The following CTNNA2 variants were observed in gnomAD, a reference collection of about 807,000 sequenced individuals.
The protein encoded by CTNNA2 is catenin alpha 2.
Under a neutral mutation model 101.0 loss-of-function variants are expected in CTNNA2, and 42 were observed. The ratio of observed to expected loss-of-function variants is 0.42; its 90% CI spans 0.32 to 0.54. CTNNA2 has a LOEUF of 0.54. Ranked by LOEUF, CTNNA2 falls within the 20% of genes least tolerant of loss-of-function variation. The pLI, the probability that CTNNA2 is intolerant of heterozygous loss-of-function variation, is 0.14. For synonymous variants in CTNNA2, 450 were observed against 456.4 expected (o/e 0.99, Z 0.18); for missense variants, 871 against 1,223.1 (o/e 0.71, Z 4.29).
chr2:79,344,059 T>A (rs1286915569), intron 3 of CTNNA2, among the ~76,000 whole-genome samples: 7 of 152,160 alleles, frequency 4.6e-5, no homozygotes, highest in Admixed American at 4.6e-4. Flanking sequence ...TGCTCTCTTG[T>A]AGGTTGCCAG....
chr2:79,241,666 TA>T (rs1482767227), intron 2 of CTNNA2, among the ~76,000 whole-genome samples: 2 of 152,218 alleles, frequency 1.3e-5, no homozygotes, highest in Non-Finnish European at 2.9e-5. Flanking sequence ...ATCAAATATT[TA>T]AAAAGTTTCT....
At chr2:80,572,620 A>G (rs963456601) in intron 12 of CTNNA2, 6 of 152,244 alleles carry the variant, frequency 3.9e-5, no homozygotes, top group Non-Finnish European at 8.8e-5. Context: ...CATGCTCACT[A>G]TTGAGTCATT....
chr2:79,451,175 A>G (rs929949403), intron 4 of CTNNA2, among the ~76,000 whole-genome samples: 17 of 152,072 alleles, frequency 1.1e-4, no homozygotes, highest in Admixed American at 1.0e-3. Flanking sequence ...ACAAAACACT[A>G]CTCAAGGACT....
At chr2:80,230,946 T>G (rs141507422) in intron 7 of CTNNA2, among the ~76,000 whole-genome samples, 2 of 148,686 alleles carry the variant, frequency 1.3e-5, no homozygotes, top group African/African-American at 5.2e-5. Context: ...GTAGAATGAT[T>G]GTGTTCCTGG....
intron 4 of CTNNA2, among the ~76,000 whole-genome samples, chr2:79,483,782 A>G (rs1195151199): frequency 1.3e-5 from 2 of 152,300 alleles, no homozygotes; most frequent in African/African-American, 2.4e-5. Context: ...GTGTATACGT[A>G]TGCCACATTT....
At chr2:80,246,418 C>A (rs1573501512) in intron 7 of CTNNA2, among the ~76,000 whole-genome samples, 1 of 152,140 alleles carries the variant, frequency 6.6e-6, no homozygotes, top group East Asian at 1.9e-4. Context: ...ATTAAATTGA[C>A]CTTTTGCTGG....
intron 7 of CTNNA2, among the ~76,000 whole-genome samples, chr2:80,373,820 CTGAT>C (rs1464387011): frequency 6.6e-6 from 1 of 152,128 alleles, no homozygotes; most frequent in Non-Finnish European, 1.5e-5. Flanking sequence ...TTCAGACAAA[CTGAT>C]TGACGTGAGT....
chr2:79,917,049 C>A (rs577956597), intron 7 of CTNNA2, among the ~76,000 whole-genome samples: 1 of 151,418 alleles, frequency 6.6e-6, no homozygotes, highest in South Asian at 2.1e-4. Flanking sequence ...CAGGTTCAAG[C>A]AATTCTCAGC....
At chr2:79,202,822 T>C (rs970540275) in intron 2 of CTNNA2, among the ~76,000 whole-genome samples, 3 of 152,164 alleles carry the variant, frequency 2.0e-5, no homozygotes, top group African/African-American at 7.2e-5. Context: ...GCTCTAGCCA[T>C]GAAAGATAGC....
intron 4 of CTNNA2, among the ~76,000 whole-genome samples, chr2:79,436,217 C>G (rs1265112184): frequency 6.6e-6 from 1 of 152,146 alleles, no homozygotes; most frequent in African/African-American, 2.4e-5. Context: ...TTGGAGATGT[C>G]ATCAGGAAGC....
chr2:79,914,059 C>T lies in CTNNA2; in HGVS notation c.1056+4262C>T, dbSNP rs10189052. 9.0e-3 allele frequency among the ~76,000 whole-genome samples: 1,294 copies of T among 144,494 alleles called. 23 individuals carry two copies. Among genetic ancestry groups the T allele is most frequent in the African/African-American group, 0.028 (1,117 of 39,984 alleles). The allele number at this position is 144,494 out of a possible 152,430, so 94.8% of individuals were successfully genotyped here. The stretch of plus-strand genomic sequence containing the variant: ...GCGGGCGCCTGTGGTCCCAGCTACT[C>T]GGGAGGCTGAGGCAGGAGAATGGCG... On this transcript the variant is annotated intron_variant, in intron 7 of 18. Coordinates refer to ENST00000402739, the MANE Select transcript of CTNNA2 (RefSeq NM_001282597.3).
At chr2:79,668,735 C>T (rs552302294) in intron 2 of CTNNA2, among the ~76,000 whole-genome samples, 1 of 152,264 alleles carries the variant, frequency 6.6e-6, no homozygotes, top group Admixed American at 6.5e-5. Context: ...GCAAAAAATA[C>T]CTGCTGTTTC....
chr2:79,207,300 A>G (rs1674111710), intron 2 of CTNNA2, among the ~76,000 whole-genome samples: 1 of 152,152 alleles, frequency 6.6e-6, no homozygotes, highest in Non-Finnish European at 1.5e-5. Context: ...AGAATATGCA[A>G]TTCAAAGCCC....
At chr2:79,848,168 G>T (rs1490481087) in intron 3 of CTNNA2, among the ~76,000 whole-genome samples, 1 of 152,180 alleles carries the variant, frequency 6.6e-6, no homozygotes, top group Admixed American at 6.5e-5. Flanking sequence ...TGCTTTACAA[G>T]ATAACTTACA....
At chr2:79,371,201 C>G (rs559409431) in intron 3 of CTNNA2, among the ~76,000 whole-genome samples, 1 of 152,056 alleles carries the variant, frequency 6.6e-6, no homozygotes, top group South Asian at 2.1e-4. Flanking sequence ...TGGTGAAAGG[C>G]CCACGGGGTG....
At chr2:79,259,943 C>A (rs1225510997) in intron 2 of CTNNA2, among the ~76,000 whole-genome samples, 1 of 152,160 alleles carries the variant, frequency 6.6e-6, no homozygotes, top group African/African-American at 2.4e-5. Context: ...TACATTAGGG[C>A]TAAATGTATT....
At chr2:80,527,365 C>T (rs926054980) in intron 9 of CTNNA2, among the ~76,000 whole-genome samples, 5 of 152,096 alleles carry the variant, frequency 3.3e-5, no homozygotes, top group African/African-American at 1.2e-4. Context: ...TTTGGAGCCA[C>T]CAGAAGGGCT....
At chr2:80,578,935 A>C (rs1305494051) in intron 13 of CTNNA2, 3 of 152,202 alleles carry the variant, frequency 2.0e-5, no homozygotes, top group Admixed American at 1.3e-4. Flanking sequence ...TATTAAGCAC[A>C]GTAATTATCA....
intron 7 of CTNNA2, among the ~76,000 whole-genome samples, chr2:80,194,419 T>G (rs1238513736): frequency 6.6e-6 from 1 of 152,128 alleles, no homozygotes; most frequent in African/African-American, 2.4e-5. Flanking sequence ...AGTTTAGCAG[T>G]GCTTCAACAT....
Sources: allele counts gnomAD v4.1 joint callset (sites outside exome capture counted in the v4.1 genomes callset), GRCh38; gene constraint gnomAD v4.1.1; transcripts MANE v1.5; gene names NCBI Gene and HGNC (gene_info 2026-07-23, HGNC 2026-07-21).